The following FBXW7 variants were observed in gnomAD, a reference collection of about 807,000 sequenced individuals.
FBXW7 encodes F-box/WD repeat-containing protein 7.
FBXW7 carries 11 observed loss-of-function variants against 86.3 expected under a neutral mutation model. That is an observed-to-expected ratio of 0.13 (90% CI 0.08 to 0.21). The LOEUF (loss-of-function observed/expected upper bound fraction) is 0.21. Among genes scored for constraint, FBXW7 ranks in the 10% least tolerant of loss-of-function variants. The probability of loss-of-function intolerance (pLI) is 1.00; values close to 1 mark genes in which losing one functional copy is unlikely to be tolerated. For missense variants in FBXW7, 488 were observed against 847.4 expected (o/e 0.58, Z 5.27); for synonymous variants, 313 against 297.9 (o/e 1.05, Z -0.52).
intron 6 of FBXW7, 77 bp downstream of exon 6, chr4:152,346,852 CT>C: frequency 6.4e-7 from 1 of 1,568,202 alleles, no homozygotes; most frequent in Non-Finnish European, 8.7e-7. Flanking sequence ...GTGTTTCCTT[CT>C]TTTTTTACGG....
At chr4:152,484,072 G>C (rs1198464432) in intron 2 of FBXW7, among the ~76,000 whole-genome samples, 1 of 152,032 alleles carries the variant, frequency 6.6e-6, no homozygotes, top group East Asian at 1.9e-4. Context: ...AACACTATTT[G>C]GTTTTTCATT....
In FBXW7 at chr4:152,361,984, A is replaced by AAGAAC. The variant is rs1448100996; in HGVS notation, c.502-11865_502-11861dup. Among the ~76,000 whole-genome samples, 644 of 150,786 alleles carry AAGAAC rather than the reference A, an allele frequency of 4.3e-3. 3 individuals carry two copies. Among genetic ancestry groups the AAGAAC allele is most frequent in the African/African-American group, 0.015 (601 of 41,038 alleles). ...CCATCTCAAAAAAAAAAAAAAAAAA[A>AAGAAC]AGAACAGAACAGAACAGAAAAAAGA... is the stretch of plus-strand genomic sequence containing the variant. On this transcript the variant is annotated intron_variant, in intron 4 of 13. Coordinates refer to ENST00000281708, the MANE Select transcript of FBXW7 (RefSeq NM_001349798.2).
chr4:152,505,756 T>A (rs1747359646), intron 2 of FBXW7, among the ~76,000 whole-genome samples: 1 of 151,786 alleles, frequency 6.6e-6, no homozygotes, highest in Non-Finnish European at 1.5e-5. Context: ...TTTTTTTTTT[T>A]TTTGAGGTAG....
At chr4:152,424,686 G>T (rs920961051) in intron 2 of FBXW7, among the ~76,000 whole-genome samples, 1 of 152,126 alleles carries the variant, frequency 6.6e-6, no homozygotes, top group Non-Finnish European at 1.5e-5. Flanking sequence ...ACATGTTAAG[G>T]AATTCAAATT....
chr4:152,527,142 CA>C (rs1749588054), intron 2 of FBXW7, among the ~76,000 whole-genome samples: 1 of 152,172 alleles, frequency 6.6e-6, no homozygotes, highest in Admixed American at 6.5e-5. Context: ...TCCTAACAAC[CA>C]CCATGTAAAG....
intron 6 of FBXW7, among the ~76,000 whole-genome samples, chr4:152,346,423 A>T (rs1731269749): frequency 6.6e-6 from 1 of 152,092 alleles, no homozygotes. Flanking sequence ...AAAAAGCAAT[A>T]AAAAAAATGT....
chr4:152,350,737 G>A (rs1731731096), intron 4 of FBXW7, among the ~76,000 whole-genome samples: 1 of 151,716 alleles, frequency 6.6e-6, no homozygotes, highest in South Asian at 2.1e-4. Flanking sequence ...GTATAATAAC[G>A]CTGAGGGGAA....
intron 4 of FBXW7, among the ~76,000 whole-genome samples, chr4:152,366,527 T>A (rs975379370): frequency 6.6e-6 from 1 of 152,152 alleles, no homozygotes; most frequent in Non-Finnish European, 1.5e-5. Context: ...TTGCCAAAAG[T>A]GTTGTAACTT....
rs1741071768 is a variant in FBXW7, at chr4:152,443,241, A to G, written c.-119-30712T>C. ...CGCACCATTGCACTCCAGCCTGGGC[A>G]ACAAGAGTGAAACTCCTTCTCAAAA... is the stretch of plus-strand genomic sequence containing the variant. On this transcript the variant is annotated intron_variant, in intron 2 of 13. Coordinates refer to ENST00000281708, the MANE Select transcript of FBXW7 (RefSeq NM_001349798.2). 2.0e-5 allele frequency among the ~76,000 whole-genome samples: 3 copies of G among 152,200 alleles called. No homozygotes were observed. In the South Asian group the frequency reaches 6.2e-4, roughly 31 times the overall value.
At chr4:152,362,749 C>G (rs1054963918) in intron 4 of FBXW7, among the ~76,000 whole-genome samples, 1 of 150,798 alleles carries the variant, frequency 6.6e-6, no homozygotes, top group African/African-American at 2.4e-5. Context: ...ATTGCTCAAA[C>G]CCGGGAGGCA....
chr4:152,393,756 G>A (rs1736187594), intron 4 of FBXW7, among the ~76,000 whole-genome samples: 1 of 151,996 alleles, frequency 6.6e-6, no homozygotes, highest in Non-Finnish European at 1.5e-5. Context: ...AACTGCCATG[G>A]AAACCAACCA....
chr4:152,415,769 T>C (rs1403601399), intron 2 of FBXW7, among the ~76,000 whole-genome samples: 2 of 152,126 alleles, frequency 1.3e-5, no homozygotes, highest in African/African-American at 2.4e-5. Context: ...CCACCCTTTC[T>C]GTCACCGTTC....
rs748134042 is a variant in FBXW7 at position 152,328,192 on chromosome 4, C to A, written c.1418+16G>T. 2.5e-6 allele frequency: 4 copies of A among 1,577,164 alleles called. No individual in the cohort carries two copies. In the South Asian group the frequency reaches 3.6e-5, roughly 14 times the overall value. On this transcript the variant is annotated intron_variant, in intron 11 of 13. Transcript: ENST00000281708. Reference sequence around the variant, plus strand: ...ATAGAGGAAGAAGTCCCAACCATGACAAGATTTTCCCTTACCTTTTTTCAT... The same window carrying A: ...ATAGAGGAAGAAGTCCCAACCATGAAAAGATTTTCCCTTACCTTTTTTCAT...
In FBXW7 at chr4:152,523,916, T is replaced by C. The variant is rs569665263; in HGVS notation, c.-120+11025A>G. Among the ~76,000 whole-genome samples the C allele has an allele frequency of 2.0e-5, 3 of 152,334 alleles. No individual in the cohort carries two copies. In the East Asian group the frequency reaches 5.8e-4, roughly 29 times the overall value. On this transcript the variant is annotated intron_variant, in intron 2 of 13. Coordinates refer to ENST00000281708, the MANE Select transcript of FBXW7 (RefSeq NM_001349798.2). The stretch of plus-strand genomic sequence containing the variant: ...GATCAATTCCTGGCATAGTAGGTGT[T>C]CAGTAAATCTGAACTGAATCTGCTG...
rs906741274 is a variant in FBXW7 at position 152,425,135 on chromosome 4, C to T, written c.-119-12606G>A. ...TTGTTTTCACTGCTGCCAAAATAAA[C>T]ATCCTAAGGCATAGATATGACAGTG... is the stretch of plus-strand genomic sequence containing the variant. On this transcript the variant is annotated intron_variant, in intron 2 of 13. Coordinates refer to ENST00000281708, the MANE Select transcript of FBXW7 (RefSeq NM_001349798.2). 3.3e-5 allele frequency among the ~76,000 whole-genome samples: 5 copies of T among 152,318 alleles called. No homozygotes were observed. The East Asian group carries it at 5.8e-4, about 18-fold the overall frequency.
chr4:152,527,811 C>G (rs1216922381), intron 2 of FBXW7, among the ~76,000 whole-genome samples: 1 of 151,758 alleles, frequency 6.6e-6, no homozygotes, highest in Non-Finnish European at 1.5e-5. Context: ...ACCACACACA[C>G]TCTCATAAGC....
At chr4:152,426,066 C>T (rs918598932) in intron 2 of FBXW7, among the ~76,000 whole-genome samples, 1 of 152,114 alleles carries the variant, frequency 6.6e-6, no homozygotes, top group African/African-American at 2.4e-5. Context: ...CAAGCAGTGA[C>T]CTTAATTAAA....
intron 2 of FBXW7, among the ~76,000 whole-genome samples, chr4:152,449,733 A>G (rs965276526): frequency 6.6e-6 from 1 of 152,246 alleles, no homozygotes; most frequent in Non-Finnish European, 1.5e-5. Context: ...TATGCTAGCT[A>G]TACTATACCT....
intron 2 of FBXW7, among the ~76,000 whole-genome samples, chr4:152,457,417 C>T (rs1266710491): frequency 4.6e-5 from 7 of 152,078 alleles, no homozygotes; most frequent in South Asian, 4.2e-4. Context: ...CCGAGGCAGG[C>T]GGATCACGAG....
Sources: allele counts gnomAD v4.1 joint callset (sites outside exome capture counted in the v4.1 genomes callset), GRCh38; gene constraint gnomAD v4.1.1; transcripts MANE v1.5; gene names NCBI Gene and HGNC (gene_info 2026-07-23, HGNC 2026-07-21).